The following NALCN variants were observed in gnomAD, a reference collection of about 807,000 sequenced individuals.
NALCN encodes sodium leak channel NALCN.
NALCN carries 111 observed loss-of-function variants against 225.3 expected under a neutral mutation model. The ratio of observed to expected loss-of-function variants is 0.49; its 90% CI spans 0.42 to 0.58. The LOEUF (loss-of-function observed/expected upper bound fraction) is 0.58. Among genes scored for constraint, NALCN ranks in the 20% least tolerant of loss-of-function variants. The pLI, the probability that NALCN is intolerant of heterozygous loss-of-function variation, is 0.00. For synonymous variants in NALCN, 764 were observed against 769.0 expected, an observed-to-expected ratio of 0.99 and a Z score of 0.11; for missense variants, 1,378 against 2,202.4, an observed-to-expected ratio of 0.63 and a Z score of 7.49.
intron 7 of NALCN, among the ~76,000 whole-genome samples, chr13:101,297,581 G>C (rs1373188921): frequency 6.6e-6 from 1 of 152,208 alleles, no homozygotes; most frequent in Admixed American, 6.5e-5. Flanking sequence ...GATGCTGCCA[G>C]GCTTCAGTCC....
In NALCN at chr13:101,230,179, T is replaced by G. The variant is rs1827059898; in HGVS notation, c.1435-595A>C. Among the ~76,000 whole-genome samples, 3 of 152,198 alleles carry G rather than the reference T, an allele frequency of 2.0e-5. No individual in the cohort carries two copies. The South Asian group carries it at 6.2e-4, about 32-fold the overall frequency. On this transcript the variant is annotated intron_variant, in intron 12 of 43. Coordinates refer to ENST00000251127, the MANE Select transcript of NALCN (RefSeq NM_052867.4). Reference sequence around the variant, plus strand: ...TCATTATGCACATACATACAAATATTCCAAAATCTGACAAACATCGAAAGC... The same window carrying G: ...TCATTATGCACATACATACAAATATGCCAAAATCTGACAAACATCGAAAGC...
In NALCN at chr13:101,237,098, A is replaced by G. The variant is rs1163598705; in HGVS notation, c.1434+657T>C. On this transcript the variant is annotated intron_variant, in intron 12 of 43. Coordinates refer to ENST00000251127, the MANE Select transcript of NALCN (RefSeq NM_052867.4). ...TTACCAGGACAGTGAGCGTGTTGCT[A>G]TATTCAATAATAACAAAGAATGTAA... Among the ~76,000 whole-genome samples the G allele has an allele frequency of 3.3e-4, 50 of 151,922 alleles. 1 individual carries two copies. The highest frequency in any genetic ancestry group is 3.3e-3 in the Admixed American group (50 of 15,236).
At chr13:101,103,632 G>C (rs1000490140) in intron 25 of NALCN, among the ~76,000 whole-genome samples, 4 of 152,144 alleles carry the variant, frequency 2.6e-5, no homozygotes, top group African/African-American at 9.7e-5. Context: ...AGGCTCCACT[G>C]ATGTCGATCT....
chr13:101,066,612 G>A (rs991156397), intron 39 of NALCN, among the ~76,000 whole-genome samples: 7 of 152,242 alleles, frequency 4.6e-5, no homozygotes, highest in African/African-American at 1.7e-4. Flanking sequence ...GCAGGTTCCC[G>A]TGGGTGACAG....
chr13:101,381,856 A>G (rs927277963), intron 3 of NALCN, among the ~76,000 whole-genome samples: 27 of 96,360 alleles, frequency 2.8e-4, no homozygotes, highest in Non-Finnish European at 6.3e-4. Flanking sequence ...TGTGTTAGGG[A>G]AAAAAAAAGA....
At chr13:101,310,243 A>G (rs2044292948) in intron 7 of NALCN, among the ~76,000 whole-genome samples, 1 of 152,068 alleles carries the variant, frequency 6.6e-6, no homozygotes, top group African/African-American at 2.4e-5. Context: ...TTTCCATCTC[A>G]TTTAAAAGGA....
At chr13:101,113,295 A>C (rs2035542229) in intron 18 of NALCN, among the ~76,000 whole-genome samples, 1 of 152,172 alleles carries the variant, frequency 6.6e-6, no homozygotes, top group South Asian at 2.1e-4. Context: ...TGCAGGAGCA[A>C]GGCAATGGGA....
intron 10 of NALCN, among the ~76,000 whole-genome samples, chr13:101,263,018 T>C (rs1355584856): frequency 2.6e-5 from 4 of 152,234 alleles, no homozygotes; most frequent in Non-Finnish European, 5.9e-5. Context: ...TGTTCGGGAA[T>C]GAGAAATTAA....
chr13:101,115,418 T>C (rs2035659183), intron 18 of NALCN, among the ~76,000 whole-genome samples: 1 of 152,200 alleles, frequency 6.6e-6, no homozygotes. Context: ...TCAGATCTGT[T>C]GCTGGGAACA....
At chr13:101,320,802 G>T (rs576041) in intron 7 of NALCN, among the ~76,000 whole-genome samples, 2 of 151,798 alleles carry the variant, frequency 1.3e-5, no homozygotes, top group Non-Finnish European at 2.9e-5. Context: ...TCTTGGAATG[G>T]GGATAGCTAT....
intron 15 of NALCN, among the ~76,000 whole-genome samples, chr13:101,149,261 C>G (rs1057293125): frequency 1.3e-5 from 2 of 149,790 alleles, no homozygotes; most frequent in Non-Finnish European, 3.0e-5. Flanking sequence ...CCACTGCACT[C>G]CAGCCTGGGG....
intron 7 of NALCN, among the ~76,000 whole-genome samples, chr13:101,303,530 CTTGATT>C (rs1447168359): frequency 6.6e-6 from 1 of 152,040 alleles, no homozygotes; most frequent in Non-Finnish European, 1.5e-5. Flanking sequence ...TTCTTTTCTG[CTTGATT>C]TTAACAACTA....
intron 13 of NALCN, among the ~76,000 whole-genome samples, chr13:101,228,961 A>G (rs559943349): frequency 2.6e-5 from 4 of 152,276 alleles, no homozygotes; most frequent in South Asian, 4.1e-4. Context: ...AAATCTGAAG[A>G]GCCTATGAAT....
chr13:101,083,735 G>A lies in NALCN; in HGVS notation c.3559C>T (p.Pro1187Ser). The change falls in exon 31 of 44, where the codon CCT becomes TCT. Residue 1187 changes from proline to serine, a missense_variant. Physicochemically the swap from Pro to Ser is moderately conservative, Grantham distance 74 (BLOSUM62 -1). Coordinates refer to ENST00000251127, the MANE Select transcript of NALCN (RefSeq NM_052867.4). Reference sequence around the variant, plus strand: ...CCCGGGCGAGGCGGAAGATGAAGAGGCTGTGCGATCTTCAGTCGGCTCTTC... The same window carrying A: ...CCCGGGCGAGGCGGAAGATGAAGAGACTGTGCGATCTTCAGTCGGCTCTTC... ...DLKSRLKIAQ[P>S]LHLPPRPDND... The A allele has an allele frequency of 6.2e-7, 1 of 1,613,800 alleles. No individual in the cohort carries two copies. Among genetic ancestry groups the A allele is most frequent in the Non-Finnish European group, 8.5e-7 (1 of 1,179,744 alleles).
At chr13:101,364,897 T>C (rs370161872) in intron 6 of NALCN, among the ~76,000 whole-genome samples, 1 of 152,080 alleles carries the variant, frequency 6.6e-6, no homozygotes, top group African/African-American at 2.4e-5. Context: ...AATAAATACA[T>C]AGGAATCAAG....
At chr13:101,139,973 A>G (rs2036987542) in intron 17 of NALCN, among the ~76,000 whole-genome samples, 1 of 152,152 alleles carries the variant, frequency 6.6e-6, no homozygotes, top group Non-Finnish European at 1.5e-5. Flanking sequence ...GACAAATCCT[A>G]AGGTCTTATG....
chr13:101,112,342 T>C (rs986639252), intron 18 of NALCN, among the ~76,000 whole-genome samples: 1 of 152,242 alleles, frequency 6.6e-6, no homozygotes, highest in Non-Finnish European at 1.5e-5. Flanking sequence ...TAACTGGACT[T>C]GTGTTAATTT....
At chr13:101,248,331 T>C (rs1434116895) in intron 11 of NALCN, among the ~76,000 whole-genome samples, 1 of 152,176 alleles carries the variant, frequency 6.6e-6, no homozygotes, top group Non-Finnish European at 1.5e-5. Context: ...TCAGGTACAT[T>C]AGAAACTGTT....
At chr13:101,069,663 AC>A (rs1443083477) in intron 37 of NALCN, among the ~76,000 whole-genome samples, 1 of 152,208 alleles carries the variant, frequency 6.6e-6, no homozygotes, top group Non-Finnish European at 1.5e-5. Context: ...CATTTTACCC[AC>A]AATAGAACTT....
Sources: allele counts gnomAD v4.1 joint callset (sites outside exome capture counted in the v4.1 genomes callset), GRCh38; gene constraint gnomAD v4.1.1; transcripts MANE v1.5; gene names NCBI Gene and HGNC (gene_info 2026-07-23, HGNC 2026-07-21).